Variants in BCAP31 observed in about 807,000 individuals in gnomAD.
BCAP31 encodes B-cell receptor-associated protein 31.
For synonymous variants in BCAP31, 75 were observed against 80.9 expected, an observed-to-expected ratio of 0.93 and a Z score of 0.39; for missense variants, 124 against 193.0, an observed-to-expected ratio of 0.64 and a Z score of 2.12.
chrX:153,705,709 G>A (rs1557048205), intron 4 of BCAP31, among the ~76,000 whole-genome samples: 3 of 112,312 alleles, frequency 2.7e-5, no homozygotes, highest in Admixed American at 9.4e-5. Context: ...CCAGGCCCCC[G>A]GCAAGGAGCT....
intron 4 of BCAP31, among the ~76,000 whole-genome samples, chrX:153,707,035 C>G (rs2091559637): frequency 9.0e-6 from 1 of 111,483 alleles, no homozygotes; most frequent in African/African-American, 3.3e-5. Context: ...TCTAGTAACA[C>G]CTAACCCCTC....
intron 1 of BCAP31, chrX:153,723,989 G>A: frequency 7.5e-6 from 3 of 399,667 alleles, no homozygotes; most frequent in South Asian, 5.1e-5. Context: ...TCTAGACGCA[G>A]TATCCTCAGA....
rs1307824777 is a variant in BCAP31, at chrX:153,723,170, G to A, written c.75C>T (p.Pro25=). ...EVFVVLLLCI[P]FISPKRWQKI... is the part of the protein sequence containing the mutation. ...GGCCATACCTTTTAGGAGAAATGAA[G>A]GGAATGCAGAGAAGCAACACAACAA... is the stretch of plus-strand genomic sequence containing the variant. Residue 25 remains proline (P), a synonymous_variant, in exon 2 of 8, where the codon CCC becomes CCT. Coordinates refer to ENST00000345046, the MANE Select transcript of BCAP31 (RefSeq NM_001256447.2). 5.0e-6 allele frequency: 6 copies of A among 1,208,423 alleles called. No homozygotes were observed. Among genetic ancestry groups the A allele is most frequent in the Admixed American group, 2.2e-5 (1 of 45,577 alleles).
intron 1 of BCAP31, chrX:153,723,533 C>A: frequency 3.4e-6 from 4 of 1,167,186 alleles, no homozygotes. Context: ...CGTGTGTCAA[C>A]ACGTCCAGAG....
At chrX:153,715,189 G>A (rs1386267412) in intron 4 of BCAP31, among the ~76,000 whole-genome samples, 14 of 111,548 alleles carry the variant, frequency 1.3e-4, no homozygotes, top group African/African-American at 3.6e-4. Context: ...CCATTCAGTC[G>A]CTCCCTTGTG....
intron 3 of BCAP31, among the ~76,000 whole-genome samples, chrX:153,719,037 G>A (rs1197820706): frequency 8.9e-6 from 1 of 111,979 alleles, no homozygotes; most frequent in Non-Finnish European, 1.9e-5. Flanking sequence ...ATGGGAGTAG[G>A]AAGCAGCCAG....
At chrX:153,715,779 T>G in intron 3 of BCAP31, 90 bp from the exon 4 acceptor site, 6 of 1,037,722 alleles carry the variant, frequency 5.8e-6, no homozygotes, top group Non-Finnish European at 8.0e-6. Context: ...ATGAGACAGG[T>G]CAGACTCACT....
At chrX:153,718,205 C>G (rs1303634461) in intron 3 of BCAP31, among the ~76,000 whole-genome samples, 1 of 108,066 alleles carries the variant, frequency 9.3e-6, no homozygotes, top group African/African-American at 3.4e-5. Context: ...TAACCTGCAG[C>G]TACTCGGAAG....
At chrX:153,717,130 A>C (rs2091634811) in intron 3 of BCAP31, among the ~76,000 whole-genome samples, 1 of 112,324 alleles carries the variant, frequency 8.9e-6, no homozygotes, top group Non-Finnish European at 1.9e-5. Flanking sequence ...ACTTCATAAG[A>C]GCAGAAATCT....
At chrX:153,720,620 T>C (rs781940554) in intron 3 of BCAP31, among the ~76,000 whole-genome samples, 1 of 111,405 alleles carries the variant, frequency 9.0e-6, no homozygotes, top group South Asian at 3.7e-4. Context: ...GACCTCAGCC[T>C]CCCAAAGTGC....
intron 4 of BCAP31, among the ~76,000 whole-genome samples, chrX:153,713,185 C>T (rs1455756936): frequency 1.8e-5 from 2 of 110,604 alleles, no homozygotes; most frequent in African/African-American, 3.3e-5. Flanking sequence ...CCTGCCTGGG[C>T]GACAGAGTGA....
At chrX:153,704,222 G>A (rs2091538825) in intron 4 of BCAP31, 128 bp from the exon 5 acceptor site, 14 of 772,036 alleles carry the variant, frequency 1.8e-5, no homozygotes, top group Non-Finnish European at 2.3e-5. Context: ...CAAGGCAGCC[G>A]AGTGAGAAGC....
At chrX:153,704,423 C>T (rs1557048027) in intron 4 of BCAP31, among the ~76,000 whole-genome samples, 1 of 112,248 alleles carries the variant, frequency 8.9e-6, no homozygotes. Context: ...ACGTGCCAGA[C>T]AAGCCACAGC....
intron 3 of BCAP31, among the ~76,000 whole-genome samples, chrX:153,716,532 A>G (rs934641319): frequency 1.9e-5 from 2 of 103,082 alleles, no homozygotes; most frequent in African/African-American, 7.3e-5. Context: ...CTTGAGGCCA[A>G]CGAGTTCAAG....
Position 153,700,688 on chromosome X carries a change from G to A in BCAP31, c.*249C>T. On this transcript the variant is annotated 3_prime_UTR_variant, in exon 8 of 8. Transcript: ENST00000345046. ...TCCACGCTCAGGCGTGGAAGCCAAG[G>A]CTGTGCCAGGCCTGGCCAGGCCAAG... 5.8e-6 allele frequency: 2 copies of A among 346,488 alleles called. No individual in the cohort carries two copies. The highest frequency in any genetic ancestry group is 1.0e-5 in the Non-Finnish European group (2 of 200,371). 28.6% of individuals were successfully genotyped at this position (346,488 alleles called of 1,213,427 possible).
At position 153,723,181 on chromosome X, in the gene BCAP31, G is replaced by A. The variant is rs1557051442; in HGVS notation, c.64C>T (p.Leu22Phe). The A allele has an allele frequency of 8.3e-7, 1 of 1,211,109 alleles. No homozygotes were observed. Among genetic ancestry groups the A allele is most frequent in the Non-Finnish European group, 1.1e-6 (1 of 895,305 alleles). The change falls in exon 2 of 8, where the codon CTC becomes TTC. Residue 22 changes from leucine (L) to phenylalanine (F), a missense_variant. By Grantham distance (22) the Leu-to-Phe change is conservative. Transcript: ENST00000345046. ...LYAEVFVVLL[L>F]CIPFISPKRW... ...TTAGGAGAAATGAAGGGAATGCAGA[G>A]AAGCAACACAACAAAGACCTCCGCA...
intron 4 of BCAP31, among the ~76,000 whole-genome samples, chrX:153,709,959 GCCGGGAACATGGTGTGGGC>G (rs1285806985): frequency 8.9e-6 from 1 of 112,741 alleles, no homozygotes; most frequent in African/African-American, 3.2e-5. Context: ...CTATGGGTCA[GCCGGGAACATGGTGTGGGC>G]CCCTCGGAAC....
intron 3 of BCAP31, 103 bp from the exon 4 acceptor site, chrX:153,715,792 C>T (rs1379037619): frequency 3.0e-6 from 3 of 985,701 alleles, no homozygotes; most frequent in East Asian, 6.2e-5. Flanking sequence ...GACTCACTTC[C>T]CTCAAATCCG....
At chrX:153,711,281 C>T (rs1557049114) in intron 4 of BCAP31, among the ~76,000 whole-genome samples, 1 of 112,228 alleles carries the variant, frequency 8.9e-6, no homozygotes, top group African/African-American at 3.2e-5. Context: ...CCCCTCCACC[C>T]CACTTCTACT....
Sources: gnomAD v4.1 joint callset for allele counts (sites outside exome capture counted in the v4.1 genomes callset) on GRCh38, gnomAD v4.1.1 for gene constraint, MANE v1.5 for transcripts, NCBI Gene and HGNC (gene_info 2026-07-23, HGNC 2026-07-21) for gene names.